NRXN3: variants seen among roughly 807,000 people sequenced by gnomAD.
The protein encoded by NRXN3 is neurexin III.
Under a neutral mutation model 137.6 loss-of-function variants are expected in NRXN3, and 32 were observed. The ratio of observed to expected loss-of-function variants is 0.23; its 90% CI spans 0.18 to 0.31. The LOEUF (loss-of-function observed/expected upper bound fraction) is 0.31. Ranked by LOEUF, NRXN3 falls within the 10% of genes least tolerant of loss-of-function variation. NRXN3 has a pLI of 1.00. For synonymous variants in NRXN3, 798 were observed against 784.5 expected (o/e 1.02, Z -0.29); for missense variants, 1,574 against 2,062.5 (o/e 0.76, Z 4.59).
At chr14:78,281,512 G>A (rs2074405170) in intron 3 of NRXN3, among the ~76,000 whole-genome samples, 1 of 152,180 alleles carries the variant, frequency 6.6e-6, no homozygotes, top group Admixed American at 6.5e-5. Context: ...CCAGAGACAG[G>A]TTAGGGACTT....
intron 10 of NRXN3, among the ~76,000 whole-genome samples, chr14:78,856,556 CTCT>C (rs2099057628): frequency 6.6e-6 from 1 of 151,866 alleles, no homozygotes; most frequent in African/African-American, 2.4e-5. Context: ...TCCTTGTTGT[CTCT>C]TCTTATACGT....
chr14:79,395,523 G>C (rs117629294), intron 15 of NRXN3, among the ~76,000 whole-genome samples: 1 of 152,064 alleles, frequency 6.6e-6, no homozygotes, highest in Non-Finnish European at 1.5e-5. Flanking sequence ...AATGCAGGCT[G>C]TGAGGCCGGG....
chr14:79,059,128 C>T (rs1277674603), intron 15 of NRXN3, among the ~76,000 whole-genome samples: 2 of 151,958 alleles, frequency 1.3e-5, no homozygotes, highest in Non-Finnish European at 1.5e-5. Flanking sequence ...TCACTTGTTC[C>T]TCTCACTTGT....
At chr14:78,910,277 G>A (rs2099233265) in intron 10 of NRXN3, among the ~76,000 whole-genome samples, 1 of 152,018 alleles carries the variant, frequency 6.6e-6, no homozygotes, top group African/African-American at 2.4e-5. Context: ...CACTGGCAAT[G>A]TAGCTTTGGG....
intron 4 of NRXN3, among the ~76,000 whole-genome samples, chr14:78,374,443 A>G (rs1325449299): frequency 1.3e-5 from 2 of 152,290 alleles, no homozygotes; most frequent in Non-Finnish European, 2.9e-5. Flanking sequence ...TAAATATGTC[A>G]TATGACGGTT....
chr14:78,603,852 G>A (rs777464053), intron 4 of NRXN3, among the ~76,000 whole-genome samples: 8 of 152,122 alleles, frequency 5.3e-5, no homozygotes, highest in East Asian at 1.9e-4. Context: ...TGTTGGCACC[G>A]ACAGTCACAG....
In NRXN3 at chr14:78,207,864, A is replaced by G. The variant is rs557942307; in HGVS notation, c.-703-34527A>G. On this transcript the variant is annotated intron_variant, in intron 1 of 20. Coordinates refer to ENST00000335750, the MANE Select transcript of NRXN3 (RefSeq NM_001330195.2). ...CTACCACCCATTCTTTTTTTCTTCCATTTTCTTTTTTCCTGACGTATGGTG... is the reference window on the plus strand; with the variant it reads ...CTACCACCCATTCTTTTTTTCTTCCGTTTTCTTTTTTCCTGACGTATGGTG... 9.9e-5 allele frequency among the ~76,000 whole-genome samples: 15 copies of G among 151,670 alleles called. No individual in the cohort carries two copies. The East Asian group carries it at 2.1e-3, about 22-fold the overall frequency.
intron 4 of NRXN3, among the ~76,000 whole-genome samples, chr14:78,302,534 A>G (rs1455365158): frequency 2.6e-5 from 4 of 151,892 alleles, no homozygotes; most frequent in African/African-American, 9.7e-5. Flanking sequence ...TACAAGGGTG[A>G]CCTCCACGTT....
At chr14:78,355,248 C>T (rs1313790416) in intron 4 of NRXN3, among the ~76,000 whole-genome samples, 1 of 152,112 alleles carries the variant, frequency 6.6e-6, no homozygotes, top group African/African-American at 2.4e-5. Context: ...TATAAGGCTG[C>T]CTATCTTGTT....
rs2098424786 is a variant in NRXN3, at chr14:78,714,965, C to G, written c.1870C>G (p.Arg624Gly). The G allele has an allele frequency of 6.2e-7, 1 of 1,614,106 alleles. No homozygotes were observed. The highest frequency in any genetic ancestry group is 1.3e-5 in the African/African-American group (1 of 75,034). The change falls in exon 8 of 21, where the codon CGA (arginine) becomes GGA (glycine). Residue 624 changes from arginine to glycine, a missense_variant. Arg to Gly is a moderately radical substitution (Grantham distance 125). This residue lies in a region of NRXN3 where 718 missense variants were observed against 887.6 expected (regional missense o/e 0.81). Coordinates refer to ENST00000335750, the MANE Select transcript of NRXN3 (RefSeq NM_001330195.2). The stretch of plus-strand genomic sequence containing the variant: ...CATTGATGGGCGCAGCAAGAACATT[C>G]GACAGCTGGCAGAGATGCAGAATGC... ...LFIDGRSKNIRQLAEMQNAAG... is the reference protein window; with the variant it reads ...LFIDGRSKNIGQLAEMQNAAG...
chr14:79,014,465 T>A (rs1261578072), intron 15 of NRXN3, among the ~76,000 whole-genome samples: 1 of 152,226 alleles, frequency 6.6e-6, no homozygotes, highest in Admixed American at 6.5e-5. Context: ...TAGTATTCCA[T>A]GGCATATATG....
chr14:79,844,141 A>G (rs998379997), intron 20 of NRXN3, among the ~76,000 whole-genome samples: 1 of 151,956 alleles, frequency 6.6e-6, no homozygotes, highest in East Asian at 1.9e-4. Flanking sequence ...TTAAAGTTTT[A>G]TCATAACATT....
At chr14:78,261,100 A>T (rs997124040) in intron 2 of NRXN3, among the ~76,000 whole-genome samples, 3 of 152,128 alleles carry the variant, frequency 2.0e-5, no homozygotes, top group African/African-American at 7.2e-5. Context: ...CAGGCAGTGG[A>T]TGTGGAATTT....
rs2099279176 is a variant in NRXN3 at position 78,924,360 on chromosome 14, C to T, written c.2276-32882C>T. ...ATGTGCAAACCCGATAACACCCAAA[C>T]AACCATGTAAAATAGATATCATAAG... On this transcript the variant is annotated intron_variant, in intron 10 of 20. Transcript: ENST00000335750. Among the ~76,000 whole-genome samples, 2 of 152,186 alleles carry T rather than the reference C, an allele frequency of 1.3e-5. 1 individual carries two copies. The highest frequency in any genetic ancestry group is 3.8e-4 in the East Asian group (2 of 5,198).
chr14:78,735,839 T>A (rs1350863155), intron 8 of NRXN3, among the ~76,000 whole-genome samples: 1 of 152,196 alleles, frequency 6.6e-6, no homozygotes, highest in East Asian at 1.9e-4. Flanking sequence ...AGAAGTCAGT[T>A]TTCTAGTCTT....
At chr14:79,696,035 G>A (rs982621071) in intron 18 of NRXN3, among the ~76,000 whole-genome samples, 2 of 151,978 alleles carry the variant, frequency 1.3e-5, no homozygotes, top group Non-Finnish European at 2.9e-5. Context: ...TGGGCACTAT[G>A]AGTTGCCTAG....
At chr14:78,704,204 A>G (rs1401324672) in intron 6 of NRXN3, among the ~76,000 whole-genome samples, 1 of 152,208 alleles carries the variant, frequency 6.6e-6, no homozygotes, top group Non-Finnish European at 1.5e-5. Flanking sequence ...TGCATCATGT[A>G]GGGTTAGAAT....
At chr14:79,283,622 A>C (rs543878356) in intron 15 of NRXN3, among the ~76,000 whole-genome samples, 4 of 152,098 alleles carry the variant, frequency 2.6e-5, no homozygotes, top group East Asian at 1.9e-4. Flanking sequence ...GGCCACACTT[A>C]CCTGGGGTGC....
At chr14:78,907,627 A>C (rs1164971773) in intron 10 of NRXN3, among the ~76,000 whole-genome samples, 1 of 152,048 alleles carries the variant, frequency 6.6e-6, no homozygotes, top group Admixed American at 6.6e-5. Context: ...CCATGTCTAC[A>C]TAATAAGAAG....
Sources: allele counts gnomAD v4.1 joint callset (sites outside exome capture counted in the v4.1 genomes callset), GRCh38; gene constraint gnomAD v4.1.1; regional missense constraint gnomAD v4.1.1; transcripts MANE v1.5; gene names NCBI Gene and HGNC (gene_info 2026-07-23, HGNC 2026-07-21).